Variants in NLGN1 observed in about 807,000 individuals in gnomAD.
NLGN1 encodes the protein neuroligin 1.
NLGN1 carries 12 observed loss-of-function variants against 65.5 expected under a neutral mutation model. The observed-to-expected ratio is 0.18, with a 90% confidence interval of 0.12 to 0.30. NLGN1 has a LOEUF of 0.30. Among genes scored for constraint, NLGN1 ranks in the 10% least tolerant of loss-of-function variants. The pLI is 1.00. For synonymous variants in NLGN1, 350 were observed against 359.5 expected (o/e 0.97, Z 0.30); for missense variants, 750 against 1,007.1 (o/e 0.74, Z 3.46).
chr3:173,768,625 A>C (rs1308666411), intron 3 of NLGN1, among the ~76,000 whole-genome samples: 1 of 152,180 alleles, frequency 6.6e-6, no homozygotes, highest in African/African-American at 2.4e-5. Context: ...GTTAAAAAAT[A>C]ACCTTTCTAT....
At chr3:174,147,051 G>T (rs935535668) in intron 4 of NLGN1, among the ~76,000 whole-genome samples, 1 of 152,102 alleles carries the variant, frequency 6.6e-6, no homozygotes, top group Non-Finnish European at 1.5e-5. Flanking sequence ...GTTCAAGATG[G>T]TTTATCGGTA....
chr3:174,214,619 CTTTG>C (rs532543811), intron 4 of NLGN1, among the ~76,000 whole-genome samples: 279 of 152,174 alleles, frequency 1.8e-3, no homozygotes, highest in Non-Finnish European at 3.2e-3. Context: ...GACTTCTGGG[CTTTG>C]TTTGTTTGTT....
At chr3:173,629,801 C>T (rs1229398416) in intron 3 of NLGN1, among the ~76,000 whole-genome samples, 1 of 151,988 alleles carries the variant, frequency 6.6e-6, no homozygotes, top group Non-Finnish European at 1.5e-5. Context: ...AAAAGAGACA[C>T]GACTGTGTTA....
intron 3 of NLGN1, among the ~76,000 whole-genome samples, chr3:173,787,975 A>G (rs1254141226): frequency 6.6e-6 from 1 of 152,192 alleles, no homozygotes; most frequent in East Asian, 1.9e-4. Flanking sequence ...AAATATTTTA[A>G]TAGTCAAATA....
chr3:173,805,650 A>G (rs776138994), intron 3 of NLGN1, among the ~76,000 whole-genome samples: 19 of 152,304 alleles, frequency 1.2e-4, no homozygotes, highest in Non-Finnish European at 2.4e-4. Context: ...TTGTAATTCT[A>G]TGTAATTTTA....
intron 3 of NLGN1, among the ~76,000 whole-genome samples, chr3:173,771,111 C>G (rs1412250393): frequency 6.6e-6 from 1 of 152,128 alleles, no homozygotes; most frequent in Non-Finnish European, 1.5e-5. Context: ...AGAGAAGTCT[C>G]ATTTTCTCTT....
intron 4 of NLGN1, among the ~76,000 whole-genome samples, chr3:173,817,170 A>G (rs1719193458): frequency 6.6e-6 from 1 of 152,204 alleles, no homozygotes. Flanking sequence ...CAGAGGAAGG[A>G]AACGGTTTTG....
intron 4 of NLGN1, among the ~76,000 whole-genome samples, chr3:173,902,821 C>A (rs1485812923): frequency 6.6e-6 from 1 of 152,092 alleles, no homozygotes; most frequent in Non-Finnish European, 1.5e-5. Context: ...CAGGAGCATT[C>A]ATTTAGCAAA....
At chr3:173,681,151 G>A (rs893032757) in intron 3 of NLGN1, among the ~76,000 whole-genome samples, 3 of 152,126 alleles carry the variant, frequency 2.0e-5, no homozygotes, top group African/African-American at 7.2e-5. Flanking sequence ...AAGAAATGCA[G>A]CATTTTCTGA....
At chr3:174,172,854 A>G (rs1261845733) in intron 4 of NLGN1, among the ~76,000 whole-genome samples, 2 of 152,076 alleles carry the variant, frequency 1.3e-5, no homozygotes, top group African/African-American at 2.4e-5. Flanking sequence ...TTCTGTGAAG[A>G]ATGTCTTAGG....
chr3:173,983,397 G>A (rs77192061), intron 4 of NLGN1, among the ~76,000 whole-genome samples: 7,455 of 152,264 alleles, frequency 0.049, 278 homozygotes, highest in East Asian at 0.15. Context: ...CTCAGGAAAT[G>A]CTTCTGGTCG....
chr3:173,535,249 A>C (rs1475986577), intron 2 of NLGN1, among the ~76,000 whole-genome samples: 2 of 152,242 alleles, frequency 1.3e-5, no homozygotes, highest in Non-Finnish European at 2.9e-5. Context: ...TAAAGTGGAA[A>C]GACAATGAGC....
intron 4 of NLGN1, among the ~76,000 whole-genome samples, chr3:174,248,619 G>C (rs1410938192): frequency 2.0e-5 from 3 of 152,100 alleles, no homozygotes. Flanking sequence ...AAATTAGCTG[G>C]GTGTGGTGGC....
intron 4 of NLGN1, among the ~76,000 whole-genome samples, chr3:174,228,912 G>A (rs1256945328): frequency 6.6e-6 from 1 of 151,958 alleles, no homozygotes; most frequent in South Asian, 2.1e-4. Context: ...TTTTTACCTT[G>A]TAAAAACTAG....
At chr3:173,904,057 CT>C (rs1737881701) in intron 4 of NLGN1, among the ~76,000 whole-genome samples, 1 of 151,884 alleles carries the variant, frequency 6.6e-6, no homozygotes, top group Non-Finnish European at 1.5e-5. Context: ...ACAATTTAAA[CT>C]TTTAAGAACT....
intron 4 of NLGN1, among the ~76,000 whole-genome samples, chr3:174,159,391 T>G (rs1021784292): frequency 2.0e-5 from 3 of 151,752 alleles, no homozygotes; most frequent in Non-Finnish European, 3.0e-5. Context: ...GAGAAACATT[T>G]GAAAAACTCA....
intron 3 of NLGN1, among the ~76,000 whole-genome samples, chr3:173,707,547 G>A (rs1302799414): frequency 1.3e-5 from 2 of 151,802 alleles, no homozygotes; most frequent in African/African-American, 4.8e-5. Flanking sequence ...TTCTTACCTC[G>A]GTAGAAAGTA....
intron 4 of NLGN1, among the ~76,000 whole-genome samples, chr3:173,984,874 T>A (rs1038989041): frequency 7.2e-5 from 11 of 152,072 alleles, no homozygotes; most frequent in African/African-American, 2.4e-4. Context: ...AAACCCTGTG[T>A]CTACTAAAAA....
intron 2 of NLGN1, among the ~76,000 whole-genome samples, chr3:173,508,103 C>A (rs1317272715): frequency 6.6e-6 from 1 of 152,082 alleles, no homozygotes; most frequent in East Asian, 1.9e-4. Flanking sequence ...CTTTAGGGTT[C>A]TTTTGTCTAC....
Sources: gnomAD v4.1 joint callset for allele counts (sites outside exome capture counted in the v4.1 genomes callset) on GRCh38, gnomAD v4.1.1 for gene constraint, MANE v1.5 for transcripts, NCBI Gene and HGNC (gene_info 2026-07-23, HGNC 2026-07-21) for gene names.